LMX1B: variants seen among roughly 807,000 people sequenced by gnomAD.
LMX1B encodes LIM homeobox transcription factor 1 beta, also known as LIM homeobox transcription factor 1-beta.
Under a neutral mutation model 51.4 loss-of-function variants are expected in LMX1B, and 12 were observed. The observed-to-expected ratio is 0.23, with a 90% confidence interval of 0.15 to 0.38. The LOEUF (loss-of-function observed/expected upper bound fraction) is 0.38, where lower values mean the gene tolerates loss of function less well. LMX1B is among the 10% of genes least tolerant of loss of function. The pLI is 1.00. For synonymous variants in LMX1B, 237 were observed against 235.4 expected, an observed-to-expected ratio of 1.01 and a Z score of -0.06; for missense variants, 445 against 571.1, an observed-to-expected ratio of 0.78 and a Z score of 2.25.
chr9:126,670,189 C>G (rs1311024688), intron 2 of LMX1B, among the ~76,000 whole-genome samples: 1 of 152,234 alleles, frequency 6.6e-6, no homozygotes, highest in Non-Finnish European at 1.5e-5. Flanking sequence ...CTGAGTGACC[C>G]CCTCCAAGGG....
chr9:126,639,226 C>A (rs973558550), intron 2 of LMX1B, among the ~76,000 whole-genome samples: 2 of 152,122 alleles, frequency 1.3e-5, no homozygotes, highest in Admixed American at 1.3e-4. Flanking sequence ...GAGGGTGGGG[C>A]CCCCAGATGG....
At chr9:126,648,956 G>A (rs1003188521) in intron 2 of LMX1B, among the ~76,000 whole-genome samples, 1 of 152,148 alleles carries the variant, frequency 6.6e-6, no homozygotes, top group Non-Finnish European at 1.5e-5. Flanking sequence ...TTTAGAAGCA[G>A]CATGATCTGA....
At chr9:126,670,279 C>T (rs944816939) in intron 2 of LMX1B, among the ~76,000 whole-genome samples, 2 of 152,242 alleles carry the variant, frequency 1.3e-5, no homozygotes, top group South Asian at 4.1e-4. Flanking sequence ...CAGACCTCCC[C>T]ACGGGTGGAC....
rs1390032946 is a variant in LMX1B at position 126,673,106 on chromosome 9, C to T, written c.327-17730C>T. 4.6e-5 allele frequency among the ~76,000 whole-genome samples: 7 copies of T among 152,220 alleles called. No individual in the cohort carries two copies. Among genetic ancestry groups the T allele is most frequent in the Non-Finnish European group, 8.8e-5 (6 of 68,036 alleles). Reference sequence around the variant, plus strand: ...GGCTTGGCACAAGGCTCAGTTTTCTCATCTGAGAAATGGGAAGACTCATTC... The same window carrying T: ...GGCTTGGCACAAGGCTCAGTTTTCTTATCTGAGAAATGGGAAGACTCATTC... On this transcript the variant is annotated intron_variant, in intron 2 of 7. Coordinates refer to ENST00000373474, the MANE Select transcript of LMX1B (RefSeq NM_001174147.2). This position sits in a 1 kb window ranked among gnomAD's most constrained non-coding sequence, Gnocchi z 4.4.
intron 2 of LMX1B, among the ~76,000 whole-genome samples, chr9:126,675,294 G>A (rs931655451): frequency 6.6e-6 from 1 of 152,166 alleles, no homozygotes; most frequent in African/African-American, 2.4e-5. Flanking sequence ...TGAAAGACCT[G>A]GATTGCCTCT....
intron 2 of LMX1B, among the ~76,000 whole-genome samples, chr9:126,689,960 G>A (rs898312863): frequency 3.9e-5 from 6 of 152,198 alleles, no homozygotes; most frequent in East Asian, 1.9e-4. Flanking sequence ...CACTCTATAC[G>A]TGCTCAGTGA....
At chr9:126,639,418 C>T (rs1305921137) in intron 2 of LMX1B, among the ~76,000 whole-genome samples, 3 of 152,246 alleles carry the variant, frequency 2.0e-5, no homozygotes, top group African/African-American at 4.8e-5. Context: ...GCCCATGCCC[C>T]ACCCCTCTAC....
intron 2 of LMX1B, among the ~76,000 whole-genome samples, chr9:126,638,783 C>T (rs1021318690): frequency 6.6e-6 from 1 of 152,156 alleles, no homozygotes; most frequent in East Asian, 1.9e-4. Flanking sequence ...GCCGGCGGCG[C>T]GGGCGCCCGA....
At chr9:126,667,502 C>T (rs146512767) in intron 2 of LMX1B, among the ~76,000 whole-genome samples, 1,750 of 152,278 alleles carry the variant, frequency 0.011, 18 homozygotes, top group Middle Eastern at 0.048. Context: ...ACACACTGGG[C>T]GGTGCTGCCT....
intron 2 of LMX1B, among the ~76,000 whole-genome samples, chr9:126,679,196 A>G (rs1276044449): frequency 6.6e-6 from 1 of 152,216 alleles, no homozygotes; most frequent in Non-Finnish European, 1.5e-5. Context: ...GACAAATCAT[A>G]TAGTGAAAGT....
chr9:126,672,897 A>G (rs1836485938), intron 2 of LMX1B, among the ~76,000 whole-genome samples: 1 of 152,226 alleles, frequency 6.6e-6, no homozygotes, highest in Admixed American at 6.5e-5. Flanking sequence ...CAGTGATGCC[A>G]GAAGTGAGGC....
intron 2 of LMX1B, among the ~76,000 whole-genome samples, chr9:126,643,572 T>G (rs1324485517): frequency 6.6e-6 from 1 of 152,166 alleles, no homozygotes; most frequent in Non-Finnish European, 1.5e-5. Context: ...CTCAACAAAT[T>G]AGGTGTACAT....
intron 2 of LMX1B, among the ~76,000 whole-genome samples, chr9:126,624,388 C>T (rs1439154563): frequency 6.6e-6 from 1 of 152,220 alleles, no homozygotes; most frequent in South Asian, 2.1e-4. Flanking sequence ...TTGAGCACAG[C>T]CCTCGCCCCT....
chr9:126,665,120 T>C (rs1194778267), intron 2 of LMX1B, among the ~76,000 whole-genome samples: 1 of 152,230 alleles, frequency 6.6e-6, no homozygotes, highest in Non-Finnish European at 1.5e-5. Flanking sequence ...GTTAGTTTTA[T>C]TATTATTATC....
chr9:126,649,961 A>G (rs1835969783), intron 2 of LMX1B, among the ~76,000 whole-genome samples: 2 of 152,226 alleles, frequency 1.3e-5, no homozygotes, highest in Admixed American at 6.5e-5. Context: ...CAAATTTTGT[A>G]CTGTTCTCAA....
Position 126,671,559 on chromosome 9 carries a change from G to T in LMX1B, c.327-19277G>T, listed in dbSNP as rs907536825. The stretch of plus-strand genomic sequence containing the variant: ...AAGAGCCCACTCCAGCCGGTATCCC[G>T]AGAGGCCGCAAAAACACAGACACCC... On this transcript the variant is annotated intron_variant, in intron 2 of 7. Transcript: ENST00000373474. The surrounding 1 kb of genome is among the most constrained non-coding windows in gnomAD (Gnocchi z 4.4). 6.6e-6 allele frequency among the ~76,000 whole-genome samples: 1 copy of T among 152,190 alleles called. No homozygotes were observed. Among genetic ancestry groups the T allele is most frequent in the East Asian group, 1.9e-4 (1 of 5,184 alleles).
chr9:126,632,642 G>T (rs1379552613), intron 2 of LMX1B, among the ~76,000 whole-genome samples: 1 of 152,162 alleles, frequency 6.6e-6, no homozygotes, highest in Non-Finnish European at 1.5e-5. Flanking sequence ...GGAGGTGAGG[G>T]TAGTTGCGGG....
chr9:126,696,017 C>CCA lies in LMX1B; in HGVS notation c.1051+15_1051+16insAC. The stretch of plus-strand genomic sequence containing the variant: ...TGAACCCCTATGGTAAGCCGCCCTA[C>CCA]CCCCACCCGCCCGCCCCAGCACAGC... On this transcript the variant is annotated intron_variant, in intron 7 of 7. Coordinates refer to ENST00000373474, the MANE Select transcript of LMX1B (RefSeq NM_001174147.2). The CCA allele has an allele frequency of 6.0e-6, 9 of 1,497,310 alleles. No homozygotes were observed. The highest frequency in any genetic ancestry group is 2.0e-5 in the Admixed American group (1 of 49,252). 92.8% of individuals were successfully genotyped at this position (1,497,310 alleles called of 1,614,324 possible).
Position 126,644,922 on chromosome 9 carries a change from C to T in LMX1B, c.326+29353C>T, listed in dbSNP as rs184205334. 4.6e-5 allele frequency among the ~76,000 whole-genome samples: 7 copies of T among 152,308 alleles called. No individual in the cohort carries two copies. The East Asian group carries it at 1.2e-3, about 25-fold the overall frequency. On this transcript the variant is annotated intron_variant, in intron 2 of 7. Coordinates refer to ENST00000373474, the MANE Select transcript of LMX1B (RefSeq NM_001174147.2). ...TGAGTTCCTCAGAATCCCTGCCAAG[C>T]GCTGACAAGGACGGAGGGCCTGGGG...
Sources: gnomAD v4.1 joint callset for allele counts (sites outside exome capture counted in the v4.1 genomes callset) on GRCh38, gnomAD v4.1.1 for gene constraint, Gnocchi (gnomAD v3.1) non-coding constraint, MANE v1.5 for transcripts, NCBI Gene and HGNC (gene_info 2026-07-23, HGNC 2026-07-21) for gene names.